Variants in GALC observed in about 807,000 individuals in gnomAD.
GALC encodes the protein galactosylceramidase.
GALC carries 77 observed loss-of-function variants against 91.8 expected under a neutral mutation model. The observed-to-expected ratio is 0.84, with a 90% CI of 0.70 to 1.01. The LOEUF is 1.01. Among genes scored for constraint, GALC ranks in the 50% least tolerant of loss-of-function variants. The pLI, the probability that GALC is intolerant of heterozygous loss-of-function variation, is 0.00. For synonymous variants in GALC, 357 were observed against 306.7 expected, an observed-to-expected ratio of 1.16 and a Z score of -1.71; for missense variants, 882 against 855.9, an observed-to-expected ratio of 1.03 and a Z score of -0.38.
intron 1 of GALC, chr14:87,989,661 C>T (rs1014198247): frequency 1.3e-5 from 2 of 152,312 alleles, no homozygotes; most frequent in Admixed American, 6.5e-5. Flanking sequence ...ACCCCACTGA[C>T]TTACCCAGGC....
intron 14 of GALC, among the ~76,000 whole-genome samples, chr14:87,942,955 C>T (rs1884919867): frequency 1.3e-5 from 2 of 152,002 alleles, no homozygotes; most frequent in South Asian, 4.1e-4. Context: ...TCCCTTACCT[C>T]CTTTCTGGTT....
upstream of GALC, chr14:87,993,237 C>G: frequency 6.5e-7 from 1 of 1,544,776 alleles, no homozygotes; most frequent in Admixed American, 2.0e-5. Flanking sequence ...GGGCAGGAGG[C>G]CGCTGATGCT....
chr14:87,988,051 T>C, intron 3 of GALC, 93 bp downstream of exon 3: 1 of 940,812 alleles, frequency 1.1e-6, no homozygotes, highest in East Asian at 2.4e-5. Context: ...AAAGTGTTGG[T>C]ATTGTTTACA....
In GALC at chr14:87,934,143, T is replaced by C. The variant is rs1439136013; in HGVS notation, c.*589A>G. Reference sequence around the variant, plus strand: ...TTAGAGGTAGTTTATTAAAGAGGCATTTTTAAAATCATCCCACTCATCATA... The same window carrying C: ...TTAGAGGTAGTTTATTAAAGAGGCACTTTTAAAATCATCCCACTCATCATA... On this transcript the variant is annotated 3_prime_UTR_variant, in exon 17 of 17. Transcript: ENST00000261304. 7.0e-7 allele frequency: 1 copy of C among 1,419,994 alleles called. No individual in the cohort carries two copies. The highest frequency in any genetic ancestry group is 2.5e-5 in the East Asian group (1 of 39,822). 88.0% of individuals were successfully genotyped at this position (1,419,994 alleles called of 1,614,324 possible).
chr14:87,957,751 ATC>A (rs1419650592), intron 10 of GALC, among the ~76,000 whole-genome samples: 1 of 152,178 alleles, frequency 6.6e-6, no homozygotes, highest in Non-Finnish European at 1.5e-5. Flanking sequence ...CAATAACTCA[ATC>A]TCTTTTAGAA....
At chr14:87,973,596 C>T (rs112769790) in intron 7 of GALC, among the ~76,000 whole-genome samples, 1 of 151,970 alleles carries the variant, frequency 6.6e-6, no homozygotes, top group Non-Finnish European at 1.5e-5. Flanking sequence ...TAAAATTCCA[C>T]GGTAGGGGAG....
rs568863892 is a variant in GALC, at chr14:87,954,537, G to A, written c.1162-3789C>T. On this transcript the variant is annotated intron_variant, in intron 10 of 16. Coordinates refer to ENST00000261304, the MANE Select transcript of GALC (RefSeq NM_000153.4). ...TCGCATACAATGCCTTGGTCATCCT[G>A]TGAGTGCTTGTTTGATGATGATGTA... is the stretch of plus-strand genomic sequence containing the variant. The A allele has an allele frequency of 3.5e-5, 54 of 1,558,486 alleles. 1 individual carries two copies. The African/African-American group carries it at 6.0e-4, about 17-fold the overall frequency.
intron 13 of GALC, among the ~76,000 whole-genome samples, chr14:87,946,122 A>G (rs1259286211): frequency 6.6e-6 from 1 of 152,040 alleles, no homozygotes; most frequent in East Asian, 1.9e-4. Flanking sequence ...AAGAAAAGAT[A>G]ACAGGTACAT....
At chr14:87,985,469 T>C (rs756107089) in intron 4 of GALC, among the ~76,000 whole-genome samples, 1 of 152,216 alleles carries the variant, frequency 6.6e-6, no homozygotes. Flanking sequence ...CCATATTTTC[T>C]ACATTTAAAT....
chr14:87,952,821 A>G, intron 10 of GALC: 1 of 1,400,686 alleles, frequency 7.1e-7, no homozygotes, highest in Non-Finnish European at 1.0e-6. Flanking sequence ...TCACTCCTCT[A>G]GACTGAGTGA....
upstream of GALC, chr14:87,993,276 G>A (rs1887318579): frequency 6.5e-7 from 1 of 1,540,240 alleles, no homozygotes. Context: ...TTGAGTGCGG[G>A]TCAAGGGCCT....
chr14:87,963,767 CTTTTT>C (rs1244988563), intron 9 of GALC, among the ~76,000 whole-genome samples: 1 of 151,676 alleles, frequency 6.6e-6, no homozygotes, highest in Non-Finnish European at 1.5e-5. Flanking sequence ...TATGATCAGT[CTTTTT>C]TTTAAGAATA....
At chr14:87,992,222 G>A in intron 1 of GALC, 2 of 1,457,390 alleles carry the variant, frequency 1.4e-6, no homozygotes, top group South Asian at 2.4e-5. Flanking sequence ...CCAAAAATCC[G>A]AGTTCAACCT....
intron 15 of GALC, among the ~76,000 whole-genome samples, chr14:87,940,497 C>A (rs927600113): frequency 6.6e-6 from 1 of 151,862 alleles, no homozygotes; most frequent in African/African-American, 2.4e-5. Flanking sequence ...ATAGGGACTG[C>A]AGACACAGAT....
At chr14:87,953,814 T>A in intron 10 of GALC, 1 of 1,608,122 alleles carries the variant, frequency 6.2e-7, no homozygotes, top group Non-Finnish European at 8.5e-7. Flanking sequence ...AAGCCAGAAG[T>A]ATGATTGTTT....
upstream of GALC, chr14:87,993,216 A>C: frequency 6.5e-7 from 1 of 1,549,476 alleles, no homozygotes; most frequent in Non-Finnish European, 8.7e-7. Context: ...CGTCGCCGCC[A>C]CGATAGATAC....
intron 10 of GALC, chr14:87,954,313 C>T: frequency 1.9e-6 from 3 of 1,588,886 alleles, no homozygotes; most frequent in Non-Finnish European, 2.6e-6. Flanking sequence ...ACTATACTGA[C>T]AGAGGCAGTA....
At chr14:87,947,615 A>G in intron 13 of GALC, 113 bp downstream of exon 13, 1 of 996,690 alleles carries the variant, frequency 1.0e-6, no homozygotes, top group Non-Finnish European at 1.6e-6. Context: ...TGTAGGAGGT[A>G]AATGAATGTG....
chr14:87,988,119 A>T (rs369014333), intron 3 of GALC, 25 bp downstream of exon 3: 49 of 1,578,656 alleles, frequency 3.1e-5, no homozygotes, highest in Non-Finnish European at 4.0e-5. Flanking sequence ...TGATGGGAGA[A>T]ATCCTATCTC....
Sources: gnomAD v4.1 joint callset for allele counts (sites outside exome capture counted in the v4.1 genomes callset) on GRCh38, gnomAD v4.1.1 for gene constraint, MANE v1.5 for transcripts, NCBI Gene and HGNC (gene_info 2026-07-23, HGNC 2026-07-21) for gene names.